Variants in GRIN2B observed in about 807,000 individuals in gnomAD.
GRIN2B encodes the protein glutamate ionotropic receptor NMDA type subunit 2B, also known as glutamate receptor ionotropic, NMDA 2B.
A neutral mutation model predicts 114.5 loss-of-function variants in GRIN2B; 5 were observed. That is an observed-to-expected ratio of 0.04 (90% CI 0.02 to 0.09). The LOEUF (loss-of-function observed/expected upper bound fraction) is 0.09. Ranked by LOEUF, GRIN2B falls within the 10% of genes least tolerant of loss-of-function variation. The pLI is 1.00. For synonymous variants in GRIN2B, 787 were observed against 745.1 expected (o/e 1.06, Z -0.92); for missense variants, 1,108 against 1,943.5 (o/e 0.57, Z 8.08).
chr12:13,864,006 A>G (rs1816230200), intron 3 of GRIN2B, among the ~76,000 whole-genome samples: 1 of 152,228 alleles, frequency 6.6e-6, no homozygotes, highest in African/African-American at 2.4e-5. Context: ...TATTTGAAAA[A>G]AAGAAAAATC....
In GRIN2B at chr12:13,543,813, C is replaced by T. The variant is rs576946795; in HGVS notation, c.*18970G>A. The T allele has an allele frequency of 1.3e-5, 2 of 152,234 alleles. No individual in the cohort carries two copies. Among genetic ancestry groups the T allele is most frequent in the African/African-American group, 2.4e-5 (1 of 41,538 alleles). 9.4% of individuals were successfully genotyped at this position (152,234 alleles called of 1,614,324 possible). A position where few individuals can be genotyped will look rare whatever the true frequency, so the allele number is the denominator to read the frequency against. On this transcript the variant is annotated 3_prime_UTR_variant, in exon 14 of 14. Transcript: ENST00000609686. Reference sequence around the variant, plus strand: ...AAAAATCAATCAGAAAAAGCATACTCCCATTATCCCATTTACCAGCCCACT... The same window carrying T: ...AAAAATCAATCAGAAAAAGCATACTTCCATTATCCCATTTACCAGCCCACT...
intron 3 of GRIN2B, among the ~76,000 whole-genome samples, chr12:13,782,219 G>C (rs1864128525): frequency 6.6e-6 from 1 of 152,122 alleles, no homozygotes; most frequent in Admixed American, 6.5e-5. Context: ...AAAATGAAGA[G>C]TTTTCAGTTC....
At chr12:13,645,888 G>T (rs536003643) in intron 5 of GRIN2B, among the ~76,000 whole-genome samples, 5 of 152,104 alleles carry the variant, frequency 3.3e-5, no homozygotes, top group Admixed American at 6.6e-5. Flanking sequence ...AGAGAAGGGG[G>T]TGACTCTTAA....
At chr12:13,622,469 A>G (rs1412166986) in intron 5 of GRIN2B, among the ~76,000 whole-genome samples, 1 of 152,104 alleles carries the variant, frequency 6.6e-6, no homozygotes, top group Non-Finnish European at 1.5e-5. Context: ...AAAGCTATAC[A>G]TCTTAACTCA....
chr12:13,634,624 A>G (rs983883863), intron 5 of GRIN2B, among the ~76,000 whole-genome samples: 4 of 152,190 alleles, frequency 2.6e-5, no homozygotes, highest in African/African-American at 4.8e-5. Context: ...CTACGGGTCC[A>G]TCACATGGCC....
At chr12:13,875,219 T>C (rs1233142254) in intron 2 of GRIN2B, among the ~76,000 whole-genome samples, 2 of 151,912 alleles carry the variant, frequency 1.3e-5, no homozygotes, top group African/African-American at 4.8e-5. Flanking sequence ...AAAATAAAAG[T>C]TGAAGAAAAA....
intron 2 of GRIN2B, among the ~76,000 whole-genome samples, chr12:13,935,939 CT>C (rs930303405): frequency 3.9e-5 from 6 of 152,128 alleles, no homozygotes; most frequent in Non-Finnish European, 7.4e-5. Context: ...ATCATCCTGG[CT>C]TTTTGGCCTA....
intron 2 of GRIN2B, among the ~76,000 whole-genome samples, chr12:13,868,386 C>A (rs1565569008): frequency 6.6e-6 from 1 of 151,972 alleles, no homozygotes; most frequent in East Asian, 1.9e-4. Context: ...ACTAGATAGG[C>A]AATTGAGTAG....
chr12:13,653,572 G>A (rs971542529), intron 5 of GRIN2B, among the ~76,000 whole-genome samples: 3 of 151,908 alleles, frequency 2.0e-5, no homozygotes, highest in Admixed American at 2.0e-4. Flanking sequence ...AGCAGAGAAA[G>A]GAGAGACTTA....
intron 3 of GRIN2B, among the ~76,000 whole-genome samples, chr12:13,779,728 CT>C (rs754282597): frequency 4.4e-4 from 67 of 152,130 alleles, no homozygotes; most frequent in Admixed American, 6.5e-4. Context: ...TGGCTCATGG[CT>C]ACCATACTGA....
At chr12:13,809,028 T>C (rs541762444) in intron 3 of GRIN2B, among the ~76,000 whole-genome samples, 88 of 152,214 alleles carry the variant, frequency 5.8e-4, no homozygotes, top group Non-Finnish European at 1.1e-3. Context: ...TTCTCAACCA[T>C]GGCACTATCA....
chr12:13,760,263 T>A (rs1216953110), intron 3 of GRIN2B, among the ~76,000 whole-genome samples: 2 of 152,224 alleles, frequency 1.3e-5, no homozygotes, highest in Non-Finnish European at 2.9e-5. Flanking sequence ...ATGTGTTTGT[T>A]CATTGCTATA....
At chr12:13,854,044 GAAAT>G (rs1865616837) in intron 3 of GRIN2B, among the ~76,000 whole-genome samples, 1 of 152,084 alleles carries the variant, frequency 6.6e-6, no homozygotes. Flanking sequence ...GAAATGAAAA[GAAAT>G]AAAGGGAAAA....
At chr12:13,843,383 A>T (rs1248045276) in intron 3 of GRIN2B, among the ~76,000 whole-genome samples, 3 of 152,102 alleles carry the variant, frequency 2.0e-5, no homozygotes, top group African/African-American at 7.2e-5. Context: ...ATTCTGTGTT[A>T]ATATTTTTAT....
intron 2 of GRIN2B, among the ~76,000 whole-genome samples, chr12:13,898,036 G>A (rs117593142): frequency 0.03 from 4,390 of 145,156 alleles, 96 homozygotes; most frequent in East Asian, 0.073. Flanking sequence ...AAAAAAGAAA[G>A]GGCTACCTTT....
intron 5 of GRIN2B, among the ~76,000 whole-genome samples, chr12:13,671,008 T>G (rs993542558): frequency 6.6e-6 from 1 of 151,950 alleles, no homozygotes; most frequent in Non-Finnish European, 1.5e-5. Flanking sequence ...TTCAGAGGAG[T>G]ACATAAGAAA....
intron 3 of GRIN2B, among the ~76,000 whole-genome samples, chr12:13,853,111 C>T (rs1199312136): frequency 6.6e-6 from 1 of 152,300 alleles, no homozygotes; most frequent in East Asian, 1.9e-4. Context: ...ACCTCCTCTG[C>T]GGCCTTCCCT....
At chr12:13,914,875 T>A (rs1170067820) in intron 2 of GRIN2B, among the ~76,000 whole-genome samples, 3 of 151,854 alleles carry the variant, frequency 2.0e-5, no homozygotes, top group Admixed American at 2.0e-4. Flanking sequence ...AAAGAGTAAA[T>A]CTCTTGAAAA....
chr12:13,691,848 G>C (rs1359061799), intron 4 of GRIN2B, among the ~76,000 whole-genome samples: 2 of 152,126 alleles, frequency 1.3e-5, no homozygotes, highest in African/African-American at 4.8e-5. Context: ...CAAGCAAGTA[G>C]GTGTTGGTGG....
Sources: allele counts gnomAD v4.1 joint callset (sites outside exome capture counted in the v4.1 genomes callset), GRCh38; gene constraint gnomAD v4.1.1; transcripts MANE v1.5; gene names NCBI Gene and HGNC (gene_info 2026-07-23, HGNC 2026-07-21).